Variants in ATP1A1 observed in about 807,000 individuals in gnomAD.
ATP1A1 encodes ATPase Na+/K+ transporting subunit alpha 1.
Under a neutral mutation model 114.8 loss-of-function variants are expected in ATP1A1, and 14 were observed. The ratio of observed to expected loss-of-function variants is 0.12; its 90% CI spans 0.08 to 0.19. ATP1A1 has a LOEUF of 0.19. Among genes scored for constraint, ATP1A1 ranks in the 10% least tolerant of loss-of-function variants. The probability of loss-of-function intolerance (pLI) is 1.00; values close to 1 mark genes in which losing one functional copy is unlikely to be tolerated. For synonymous variants in ATP1A1, 471 were observed against 466.3 expected (o/e 1.01, Z -0.13); for missense variants, 524 against 1,290.7 (o/e 0.41, Z 9.10).
intron 1 of ATP1A1, among the ~76,000 whole-genome samples, chr1:116,379,366 C>T (rs1485466878): frequency 6.6e-6 from 1 of 152,230 alleles, no homozygotes; most frequent in Non-Finnish European, 1.5e-5. Context: ...CCCTCAGGCT[C>T]ACCTCCTCTG....
intron 21 of ATP1A1, among the ~76,000 whole-genome samples, chr1:116,403,616 T>G (rs552338185): frequency 6.6e-6 from 1 of 152,374 alleles, no homozygotes; most frequent in East Asian, 1.9e-4. Context: ...CCAAGTCTTA[T>G]GAAATCCAAA....
Position 116,397,297 on chromosome 1 carries a change from C to T in ATP1A1, c.1973+563C>T, listed in dbSNP as rs1477604711. Among the ~76,000 whole-genome samples the T allele has an allele frequency of 1.3e-5, 2 of 151,738 alleles. No homozygotes were observed. Among genetic ancestry groups the T allele is most frequent in the African/African-American group, 4.8e-5 (2 of 41,404 alleles). ...AGAGGAGGGTTTGGTCTTGTATCAGCTCTGCCACTTTCTAAAACTTGGTTA... is the reference window on the plus strand; with the variant it reads ...AGAGGAGGGTTTGGTCTTGTATCAGTTCTGCCACTTTCTAAAACTTGGTTA... On this transcript the variant is annotated intron_variant, in intron 14 of 22. Transcript: ENST00000295598. The surrounding 1 kb of genome is among the most constrained non-coding windows in gnomAD (Gnocchi z 4.2).
intron 1 of ATP1A1, among the ~76,000 whole-genome samples, chr1:116,382,870 G>T (rs1431089315): frequency 6.6e-6 from 1 of 152,166 alleles, no homozygotes; most frequent in Non-Finnish European, 1.5e-5. Context: ...CAAAATAATA[G>T]TAATAGCACC....
At position 116,390,868 on chromosome 1, in the gene ATP1A1, C is replaced by G. The variant is rs1652412424; in HGVS notation, c.1309C>G (p.Gln437Glu). The G allele has an allele frequency of 1.9e-6, 3 of 1,613,986 alleles. No individual in the cohort carries two copies. The highest frequency in any genetic ancestry group is 2.5e-6 in the Non-Finnish European group (3 of 1,179,966). The change falls in exon 10 of 23, where the codon CAG becomes GAG. Residue 437 changes from glutamine to glutamate, a missense_variant. Physicochemically the swap from Gln to Glu is conservative, Grantham distance 29. Coordinates refer to ENST00000295598, the MANE Select transcript of ATP1A1 (RefSeq NM_000701.8). The part of the protein sequence containing the change: ...LCNRAVFQAN[Q>E]ENLPILKRAV... ...TAACAGGGCAGTGTTTCAGGCTAAC[C>G]AGGAAAACCTACCTATTCTTAAGGT...
chr1:116,374,343 T>G (rs895706752), intron 1 of ATP1A1: 4 of 1,528,790 alleles, frequency 2.6e-6, no homozygotes, highest in Non-Finnish European at 2.7e-6. Flanking sequence ...GTGCAGATTT[T>G]TTTTGAAGGG....
At position 116,387,535 on chromosome 1, in the gene ATP1A1, A is replaced by G. The variant is rs113155579; in HGVS notation, c.387+44A>G. On this transcript the variant is annotated intron_variant, in intron 4 of 22. Transcript: ENST00000295598. This position sits in a 1 kb window ranked among gnomAD's most constrained non-coding sequence, Gnocchi z 6.7. The stretch of plus-strand genomic sequence containing the variant: ...CATATGGATTTGTAGTACACATCAG[A>G]TATCTTCTCCGTCTTTGTCTCCCAC... The G allele has an allele frequency of 1.0e-5, 16 of 1,593,694 alleles. No individual in the cohort carries two copies. The highest frequency in any genetic ancestry group is 1.7e-4 in the Middle Eastern group (1 of 6,020).
In ATP1A1 at chr1:116,389,745, C is replaced by CT; in HGVS notation, c.1023+40dup. The CT allele has an allele frequency of 6.2e-7, 1 of 1,611,116 alleles. No homozygotes were observed. Among genetic ancestry groups the CT allele is most frequent in the Non-Finnish European group, 8.5e-7 (1 of 1,177,740 alleles). ...TGATGGTCACCCTGACTCAGATCAG[C>CT]TTGCACGAATGTTACACTCTTCCGC... On this transcript the variant is annotated intron_variant, in intron 8 of 22. Transcript: ENST00000295598. This position sits in a 1 kb window ranked among gnomAD's most constrained non-coding sequence, Gnocchi z 6.9.
Position 116,388,660 on chromosome 1 carries a change from G to C in ATP1A1, c.524G>C (p.Gly175Ala). 6.2e-7 allele frequency: 1 copy of C among 1,614,206 alleles called. No homozygotes were observed. Among genetic ancestry groups the C allele is most frequent in the Non-Finnish European group, 8.5e-7 (1 of 1,180,030 alleles). ...AAGCAAGCCCTTGTGATTCGAAATG[G>C]TGAGAAAATGAGCATAAATGCGGAG... ...VPQQALVIRN[G>A]EKMSINAEEV... The change falls in exon 6 of 23, where the codon GGT becomes GCT. Residue 175 changes from glycine (G) to alanine (A), a missense_variant. Physicochemically the swap from Gly to Ala is moderately conservative, Grantham distance 60. This residue lies in a region of ATP1A1 where 141 missense variants were observed against 316.6 expected (regional missense o/e 0.45). Transcript: ENST00000295598. This position sits in a 1 kb window ranked among gnomAD's most constrained non-coding sequence, Gnocchi z 5.6.
At position 116,399,631 on chromosome 1, in the gene ATP1A1, C is replaced by A; in HGVS notation, c.2572+88C>A. 7 of 1,561,224 alleles carry A rather than the reference C, an allele frequency of 4.5e-6. No homozygotes were observed. In the South Asian group the frequency reaches 7.2e-5, roughly 16 times the overall value. On this transcript the variant is annotated intron_variant, in intron 18 of 22. Transcript: ENST00000295598. The surrounding 1 kb of genome is among the most constrained non-coding windows in gnomAD (Gnocchi z 5.0). ...CTCAGGTTGAGGTTGATTTCAGAGA[C>A]TGCAAATCCAGGCGACTTTCAGGTC...
chr1:116,376,513 G>C (rs1233363755), intron 1 of ATP1A1, among the ~76,000 whole-genome samples: 1 of 152,192 alleles, frequency 6.6e-6, no homozygotes, highest in African/African-American at 2.4e-5. Context: ...GCTGGGGGGT[G>C]GAGAGAGCAC....
chr1:116,374,269 A>G, intron 1 of ATP1A1: 2 of 1,551,694 alleles, frequency 1.3e-6, no homozygotes, highest in Non-Finnish European at 1.7e-6. Context: ...TTCTTGGGCC[A>G]CTTTCCGTAA....
chr1:116,374,015 G>T, intron 1 of ATP1A1: 1 of 1,277,424 alleles, frequency 7.8e-7, no homozygotes, highest in South Asian at 1.7e-5. Context: ...GGGGCGCTCC[G>T]CCGGGGCCTC....
chr1:116,375,530 A>G (rs2101028105), intron 1 of ATP1A1, among the ~76,000 whole-genome samples: 1 of 152,394 alleles, frequency 6.6e-6, no homozygotes, highest in East Asian at 1.9e-4. Context: ...TCTTACAACA[A>G]AATGTATAGT....
intron 1 of ATP1A1, among the ~76,000 whole-genome samples, chr1:116,379,326 G>A (rs1017455969): frequency 2.0e-5 from 3 of 152,132 alleles, no homozygotes; most frequent in African/African-American, 7.3e-5. Flanking sequence ...ATTTGGGTGG[G>A]CAAGAGAAGG....
At position 116,397,815 on chromosome 1, in the gene ATP1A1, C is replaced by T; in HGVS notation, c.1974-73C>T. ...TACAAAGTGATCTGCATAAGAATAT[C>T]CCCTCTTGAGGTGATGGACACATGC... On this transcript the variant is annotated intron_variant, in intron 14 of 22. Transcript: ENST00000295598. The surrounding 1 kb of genome is among the most constrained non-coding windows in gnomAD (Gnocchi z 4.2). 1 of 1,517,766 alleles carries T rather than the reference C, an allele frequency of 6.6e-7. No homozygotes were observed. Among genetic ancestry groups the T allele is most frequent in the South Asian group, 1.2e-5 (1 of 81,180 alleles). The allele number at this position is 1,517,766 out of a possible 1,614,324, so 94.0% of individuals were successfully genotyped here. A position where few individuals can be genotyped will look rare whatever the true frequency, so the allele number is the denominator to read the frequency against.
chr1:116,388,527 CTTTGT>C lies in ATP1A1; in HGVS notation c.502-105_502-101del, dbSNP rs1451345335. On this transcript the variant is annotated intron_variant, in intron 5 of 22. Coordinates refer to ENST00000295598, the MANE Select transcript of ATP1A1 (RefSeq NM_000701.8). The surrounding 1 kb of genome is among the most constrained non-coding windows in gnomAD (Gnocchi z 5.6). ...GTGTAAATAAAAAAGTGAATAATATCTTTGTTTTGTATTCAGGTAATTAGGATTAT... is the reference window on the plus strand; with the variant it reads ...GTGTAAATAAAAAAGTGAATAATATCTTTGTATTCAGGTAATTAGGATTAT... The C allele has an allele frequency of 3.6e-6, 5 of 1,402,090 alleles. No individual in the cohort carries two copies. The highest frequency in any genetic ancestry group is 4.8e-6 in the Non-Finnish European group (5 of 1,033,314). The allele number at this position is 1,402,090 out of a possible 1,614,324, so 86.9% of individuals were successfully genotyped here. A position where few individuals can be genotyped will look rare whatever the true frequency, so the allele number is the denominator to read the frequency against.
In ATP1A1 at chr1:116,397,227, G is replaced by C. The variant is rs1195475566; in HGVS notation, c.1973+493G>C. On this transcript the variant is annotated intron_variant, in intron 14 of 22. Coordinates refer to ENST00000295598, the MANE Select transcript of ATP1A1 (RefSeq NM_000701.8). The surrounding 1 kb of genome is among the most constrained non-coding windows in gnomAD (Gnocchi z 4.2). ...GAAGTAAAACAGATAATAGCAAATTGGTTTTGTTTTAAGGTTTAGGGCCCT... is the reference window on the plus strand; with the variant it reads ...GAAGTAAAACAGATAATAGCAAATTCGTTTTGTTTTAAGGTTTAGGGCCCT... 6.6e-6 allele frequency among the ~76,000 whole-genome samples: 1 copy of C among 152,160 alleles called. No homozygotes were observed. Among genetic ancestry groups the C allele is most frequent in the East Asian group, 1.9e-4 (1 of 5,196 alleles).
Position 116,390,223 on chromosome 1 carries a change from CACTT to C in ATP1A1, c.1038_1041del (p.Thr347ProfsTer10), listed in dbSNP as rs1313989265. ...CCTAATATTTTTTAGGTCTGTCTGA[CACTT>C]ACTGCCAAACGCATGGCAAGGAAAA... On this transcript the variant is annotated frameshift_variant, in exon 9 of 23. Transcript: ENST00000295598. LOFTEE classifies it high-confidence loss of function. 2 of 1,614,020 alleles carry C rather than the reference CACTT, an allele frequency of 1.2e-6. No homozygotes were observed. Among genetic ancestry groups the C allele is most frequent in the Non-Finnish European group, 1.7e-6 (2 of 1,180,010 alleles).
chr1:116,373,567 G>A, intron 1 of ATP1A1, 44 bp downstream of exon 1: 1 of 1,408,694 alleles, frequency 7.1e-7, no homozygotes, highest in Non-Finnish European at 9.3e-7. Flanking sequence ...GGGAGCCCTC[G>A]AGGGGAAGAG....
Sources: allele counts gnomAD v4.1 joint callset (sites outside exome capture counted in the v4.1 genomes callset), GRCh38; gene constraint gnomAD v4.1.1; regional missense constraint gnomAD v4.1.1; non-coding constraint Gnocchi (gnomAD v3.1); transcripts MANE v1.5; gene names NCBI Gene and HGNC (gene_info 2026-07-23, HGNC 2026-07-21).